Variants in SETD5 observed in about 807,000 individuals in gnomAD.
SETD5 encodes the protein histone-lysine N-methyltransferase SETD5.
SETD5 carries 44 observed loss-of-function variants against 153.3 expected under a neutral mutation model. The observed-to-expected ratio is 0.29, with a 90% CI of 0.23 to 0.37. The LOEUF (loss-of-function observed/expected upper bound fraction) is 0.37. Among genes scored for constraint, SETD5 ranks in the 10% least tolerant of loss-of-function variants. The probability of loss-of-function intolerance (pLI) is 1.00; values close to 1 mark genes in which losing one functional copy is unlikely to be tolerated. For synonymous variants in SETD5, 716 were observed against 645.2 expected (o/e 1.11, Z -1.66); for missense variants, 1,544 against 1,768.0 (o/e 0.87, Z 2.27).
At chr3:9,435,982 T>A in intron 7 of SETD5, 76 bp downstream of exon 7, 1 of 1,379,760 alleles carries the variant, frequency 7.2e-7, no homozygotes, top group Non-Finnish European at 9.8e-7. Flanking sequence ...GCACCAAAAT[T>A]CTTTTAAGAA....
chr3:9,416,434 A>G (rs1025432970), intron 1 of SETD5, among the ~76,000 whole-genome samples: 1 of 152,176 alleles, frequency 6.6e-6, no homozygotes, highest in Admixed American at 6.5e-5. Context: ...TGGGTCATGT[A>G]TGTACTTGCA....
chr3:9,406,314 C>T (rs2035658394), intron 1 of SETD5, among the ~76,000 whole-genome samples: 1 of 152,128 alleles, frequency 6.6e-6, no homozygotes, highest in African/African-American at 2.4e-5. Flanking sequence ...TGATTATATG[C>T]TGAATGTAGC....
intron 1 of SETD5, among the ~76,000 whole-genome samples, chr3:9,410,063 T>A (rs1236798789): frequency 6.6e-6 from 1 of 152,182 alleles, no homozygotes; most frequent in Non-Finnish European, 1.5e-5. Context: ...CTGAGAAATG[T>A]GTTGTCAGGT....
At chr3:9,430,596 A>C (rs887709616) in intron 3 of SETD5, 9 of 193,190 alleles carry the variant, frequency 4.7e-5, no homozygotes, top group Non-Finnish European at 8.5e-5. Context: ...GTTTTTATAA[A>C]GTCAGCTACT....
chr3:9,408,772 G>C (rs950428015), intron 1 of SETD5, among the ~76,000 whole-genome samples: 1 of 151,916 alleles, frequency 6.6e-6, no homozygotes, highest in African/African-American at 2.4e-5. Flanking sequence ...CAAACTTTGT[G>C]GTCTTAAAAA....
At chr3:9,432,918 T>A (rs1275177745) in intron 3 of SETD5, among the ~76,000 whole-genome samples, 3 of 152,242 alleles carry the variant, frequency 2.0e-5, no homozygotes, top group Non-Finnish European at 4.4e-5. Context: ...CATTCTCATT[T>A]CTGTAGTGGA....
At chr3:9,421,675 A>G (rs374175290) in intron 1 of SETD5, among the ~76,000 whole-genome samples, 13 of 152,318 alleles carry the variant, frequency 8.5e-5, no homozygotes, top group African/African-American at 3.1e-4. Flanking sequence ...CAAAATTTTG[A>G]ATAATCAAGT....
In SETD5 at chr3:9,445,962, G is replaced by GTTTTTTTTTTT. The variant is rs1432231015; in HGVS notation, c.1524+224_1524+225insTTTTTTTTTTT. Among the ~76,000 whole-genome samples the GTTTTTTTTTTT allele has an allele frequency of 2.1e-4, 25 of 120,238 alleles. 1 individual carries two copies. The highest frequency in any genetic ancestry group is 6.9e-4 in the East Asian group (3 of 4,374). The allele number at this position is 120,238 out of a possible 152,430, so 78.9% of individuals were successfully genotyped here. On this transcript the variant is annotated intron_variant, in intron 13 of 22. Coordinates refer to ENST00000402198, the MANE Select transcript of SETD5 (RefSeq NM_001080517.3). ...TATTATCTAGTGATGGTTTGAAGAG[G>GTTTTTTTTTTT]TTGTTTTTTTTTTTTTTTTTTTTTT...
intron 11 of SETD5, 101 bp from the exon 12 acceptor site, chr3:9,444,947 C>A: frequency 7.0e-7 from 1 of 1,424,182 alleles, no homozygotes; most frequent in Non-Finnish European, 9.5e-7. Flanking sequence ...GAGACAATAT[C>A]AGAGGAAGTT....
intron 6 of SETD5, among the ~76,000 whole-genome samples, chr3:9,435,243 CAAAAAAAAAAAAA>C (rs5846637): frequency 2.5e-5 from 2 of 80,168 alleles, no homozygotes; most frequent in African/African-American, 4.0e-5. Flanking sequence ...AACTCCCTCT[CAAAAAAAAAAAAA>C]AAAAAAAAAG....
chr3:9,433,125 A>G (rs1396192371), intron 3 of SETD5, among the ~76,000 whole-genome samples: 1 of 152,268 alleles, frequency 6.6e-6, no homozygotes, highest in South Asian at 2.1e-4. Flanking sequence ...TGGGCAGTTC[A>G]CAATGGTAGC....
At chr3:9,417,106 A>G (rs1343416220) in intron 1 of SETD5, among the ~76,000 whole-genome samples, 1 of 152,204 alleles carries the variant, frequency 6.6e-6, no homozygotes, top group Admixed American at 6.5e-5. Flanking sequence ...TGTAGATTTC[A>G]GATAATGCAA....
At chr3:9,447,573 TA>T in intron 14 of SETD5, 112 bp from the exon 15 acceptor site, 1 of 1,244,410 alleles carries the variant, frequency 8.0e-7, no homozygotes, top group Non-Finnish European at 1.1e-6. Context: ...TTAGTGTTTC[TA>T]ATCCTTATAT....
chr3:9,439,461 C>A (rs1201548798), intron 7 of SETD5, among the ~76,000 whole-genome samples: 2 of 152,198 alleles, frequency 1.3e-5, no homozygotes, highest in Non-Finnish European at 2.9e-5. Context: ...TACCTGTTTG[C>A]AAGTTTAATG....
chr3:9,433,037 A>G (rs1338182264), intron 3 of SETD5, among the ~76,000 whole-genome samples: 1 of 152,208 alleles, frequency 6.6e-6, no homozygotes, highest in Non-Finnish European at 1.5e-5. Context: ...CCCACTCTGT[A>G]AAAATGGAGT....
intron 3 of SETD5, 48 bp from the exon 4 acceptor site, chr3:9,433,797 G>C (rs754514363): frequency 6.4e-7 from 1 of 1,564,334 alleles, no homozygotes; most frequent in African/African-American, 1.4e-5. Context: ...TAGTTTAAGG[G>C]AAGATTAGGT....
chr3:9,430,323 A>G (rs1473031682), intron 3 of SETD5: 3 of 982,898 alleles, frequency 3.1e-6, no homozygotes, highest in Non-Finnish European at 3.6e-6. Context: ...ATTCTGGGGT[A>G]GTCTAAAATG....
chr3:9,402,982 G>A (rs956765974), intron 1 of SETD5, among the ~76,000 whole-genome samples: 13 of 152,120 alleles, frequency 8.5e-5, no homozygotes, highest in African/African-American at 3.1e-4. Context: ...CCTCCAGTAG[G>A]CCTGTCAATA....
chr3:9,412,431 C>T (rs1175645075), intron 1 of SETD5, among the ~76,000 whole-genome samples: 3 of 125,288 alleles, frequency 2.4e-5, no homozygotes, highest in African/African-American at 5.9e-5. Context: ...GAGACAAGGT[C>T]CTACTCTGTC....
Sources: allele counts gnomAD v4.1 joint callset (sites outside exome capture counted in the v4.1 genomes callset), GRCh38; gene constraint gnomAD v4.1.1; transcripts MANE v1.5; gene names NCBI Gene and HGNC (gene_info 2026-07-23, HGNC 2026-07-21).